The following DLG2 variants were observed in gnomAD, a reference collection of about 807,000 sequenced individuals.
The protein encoded by DLG2 is disks large homolog 2.
A neutral mutation model predicts 132.5 loss-of-function variants in DLG2; 45 were observed. The ratio of observed to expected loss-of-function variants is 0.34; its 90% CI spans 0.27 to 0.44. The LOEUF is 0.44. Among genes scored for constraint, DLG2 ranks in the 20% least tolerant of loss-of-function variants. The pLI is 1.00. For missense variants in DLG2, 1,045 were observed against 1,196.9 expected, an observed-to-expected ratio of 0.87 and a Z score of 1.87; for synonymous variants, 424 against 419.6, an observed-to-expected ratio of 1.01 and a Z score of -0.13.
rs2089165235 is a variant in DLG2, at chr11:83,457,285, C to T, written c.*2533G>A. Reference sequence around the variant, plus strand: ...GTCATCAGATTTGCTGCAAAATACACCAGTTCATTGGAGCCATAGAGACAT... The same window carrying T: ...GTCATCAGATTTGCTGCAAAATACATCAGTTCATTGGAGCCATAGAGACAT... On this transcript the variant is annotated 3_prime_UTR_variant, in exon 28 of 28. Coordinates refer to ENST00000376104, the MANE Select transcript of DLG2 (RefSeq NM_001142699.3). The T allele has an allele frequency of 6.6e-6, 1 of 152,562 alleles. No individual in the cohort carries two copies. Among genetic ancestry groups the T allele is most frequent in the Non-Finnish European group, 1.5e-5 (1 of 68,038 alleles). The allele number at this position is 152,562 out of a possible 1,614,324, so 9.5% of individuals were successfully genotyped here.
chr11:83,482,584 G>A (rs1484528803), intron 22 of DLG2, among the ~76,000 whole-genome samples: 1 of 151,978 alleles, frequency 6.6e-6, no homozygotes, highest in East Asian at 1.9e-4. Flanking sequence ...GTGAAGACCT[G>A]ATTTTATAAT....
At chr11:84,502,463 T>C (rs144507112) in intron 7 of DLG2, among the ~76,000 whole-genome samples, 2 of 148,030 alleles carry the variant, frequency 1.4e-5, no homozygotes, top group East Asian at 2.0e-4. Context: ...TGTCTCAATC[T>C]CGGCTCACTG....
intron 6 of DLG2, among the ~76,000 whole-genome samples, chr11:84,784,195 C>T (rs1263052646): frequency 1.5e-5 from 2 of 136,076 alleles, no homozygotes; most frequent in Non-Finnish European, 3.1e-5. Context: ...TGGTGGCAGG[C>T]ACCTGTAATC....
intron 6 of DLG2, among the ~76,000 whole-genome samples, chr11:84,743,919 T>A (rs2065020827): frequency 6.6e-6 from 1 of 151,948 alleles, no homozygotes; most frequent in African/African-American, 2.4e-5. Flanking sequence ...ACAGATGGGG[T>A]TTCACCATCT....
chr11:84,051,035 G>T (rs12575693), intron 11 of DLG2, among the ~76,000 whole-genome samples: 1 of 151,594 alleles, frequency 6.6e-6, no homozygotes, highest in Non-Finnish European at 1.5e-5. Flanking sequence ...GCTCATCATC[G>T]CTGGCCATCA....
chr11:84,974,707 T>G (rs1320541443), intron 6 of DLG2, among the ~76,000 whole-genome samples: 2 of 152,188 alleles, frequency 1.3e-5, no homozygotes, highest in Non-Finnish European at 2.9e-5. Flanking sequence ...TAGCAGTATG[T>G]GAGAACTTGT....
intron 7 of DLG2, among the ~76,000 whole-genome samples, chr11:84,469,426 AAAATTCAGG>A (rs1238792361): frequency 1.3e-5 from 2 of 151,650 alleles, no homozygotes; most frequent in Non-Finnish European, 3.0e-5. Context: ...AATTAAAGTT[AAAATTCAGG>A]AAATCATTTA....
At chr11:85,467,380 C>G (rs2092827184) in intron 3 of DLG2, among the ~76,000 whole-genome samples, 1 of 152,136 alleles carries the variant, frequency 6.6e-6, no homozygotes, top group Non-Finnish European at 1.5e-5. Context: ...GCATCCCTGT[C>G]TTGTGCCAGT....
At chr11:83,621,708 T>C (rs2061662221) in intron 19 of DLG2, among the ~76,000 whole-genome samples, 3 of 152,120 alleles carry the variant, frequency 2.0e-5, no homozygotes, top group African/African-American at 7.2e-5. Flanking sequence ...AAGGCCTGGA[T>C]CCTTGAAAAT....
At chr11:84,074,087 T>C (rs902709917) in intron 10 of DLG2, among the ~76,000 whole-genome samples, 1 of 152,176 alleles carries the variant, frequency 6.6e-6, no homozygotes, top group Non-Finnish European at 1.5e-5. Context: ...TTTTCAGCAT[T>C]TGTATAGTTC....
intron 15 of DLG2, among the ~76,000 whole-genome samples, chr11:83,917,130 G>A (rs775443139): frequency 4.6e-5 from 7 of 152,136 alleles, no homozygotes; most frequent in African/African-American, 7.2e-5. Context: ...GAACTTCAGA[G>A]AAAGGCAATG....
chr11:84,624,570 A>G (rs776409422), intron 6 of DLG2, among the ~76,000 whole-genome samples: 45 of 151,950 alleles, frequency 3.0e-4, no homozygotes, highest in Admixed American at 1.7e-3. Flanking sequence ...TATGAGGTCT[A>G]TCAAATCATT....
intron 6 of DLG2, among the ~76,000 whole-genome samples, chr11:85,102,516 C>CA (rs1347260794): frequency 6.6e-6 from 1 of 151,814 alleles, no homozygotes; most frequent in Non-Finnish European, 1.5e-5. Context: ...AATAGAAAGC[C>CA]AATACATTAT....
chr11:84,109,115 C>T (rs2093174075), intron 9 of DLG2, among the ~76,000 whole-genome samples: 1 of 147,380 alleles, frequency 6.8e-6, no homozygotes, highest in South Asian at 2.1e-4. Context: ...CTTACATCGT[C>T]AAAAAAAAAA....
At chr11:84,584,259 C>T (rs576086694) in intron 6 of DLG2, among the ~76,000 whole-genome samples, 13 of 152,182 alleles carry the variant, frequency 8.5e-5, no homozygotes, top group East Asian at 1.9e-4. Flanking sequence ...CTTTCTTATA[C>T]GTGAGGTCTG....
chr11:83,524,559 G>T (rs77798738), intron 21 of DLG2, among the ~76,000 whole-genome samples: 1 of 151,940 alleles, frequency 6.6e-6, no homozygotes, highest in African/African-American at 2.4e-5. Context: ...GCCTCCCTCT[G>T]GAAATTTATT....
intron 7 of DLG2, among the ~76,000 whole-genome samples, chr11:84,438,090 T>C (rs1267336206): frequency 2.0e-5 from 3 of 152,122 alleles, no homozygotes; most frequent in African/African-American, 4.8e-5. Context: ...ATCCCACTCA[T>C]ATCCTCCAAG....
intron 2 of DLG2, among the ~76,000 whole-genome samples, chr11:85,601,733 A>G (rs564526085): frequency 8.5e-5 from 13 of 152,190 alleles, no homozygotes; most frequent in African/African-American, 3.1e-4. Flanking sequence ...CCAGCACACC[A>G]TTATTTCCAG....
At chr11:84,014,106 C>T (rs2154068472) in intron 11 of DLG2, among the ~76,000 whole-genome samples, 1 of 152,170 alleles carries the variant, frequency 6.6e-6, no homozygotes, top group Non-Finnish European at 1.5e-5. Flanking sequence ...AGTTTTTTAC[C>T]TAACCCATTT....
Sources: gnomAD v4.1 joint callset for allele counts (sites outside exome capture counted in the v4.1 genomes callset) on GRCh38, gnomAD v4.1.1 for gene constraint, MANE v1.5 for transcripts, NCBI Gene and HGNC (gene_info 2026-07-23, HGNC 2026-07-21) for gene names.